Variants in NDST4 observed in about 807,000 individuals in gnomAD.
NDST4 encodes the protein N-deacetylase and N-sulfotransferase 4, also known as N-heparan sulfate sulfotransferase 4.
NDST4 carries 63 observed loss-of-function variants against 100.8 expected under a neutral mutation model. That is an observed-to-expected ratio of 0.62 (90% CI 0.51 to 0.77). The LOEUF (loss-of-function observed/expected upper bound fraction) is 0.77, where lower values mean the gene tolerates loss of function less well. NDST4 is among the 30% of genes least tolerant of loss of function. The pLI, the probability that NDST4 is intolerant of heterozygous loss-of-function variation, is 0.00. For synonymous variants in NDST4, 377 were observed against 361.8 expected (o/e 1.04, Z -0.48); for missense variants, 943 against 1,018.4 (o/e 0.93, Z 1.01).
intron 2 of NDST4, among the ~76,000 whole-genome samples, chr4:115,047,275 A>T (rs987033110): frequency 6.6e-6 from 1 of 152,148 alleles, no homozygotes; most frequent in Non-Finnish European, 1.5e-5. Flanking sequence ...TTAACAGTCA[A>T]TATATTTATT....
intron 1 of NDST4, among the ~76,000 whole-genome samples, chr4:115,102,865 C>A (rs377352127): frequency 1.3e-5 from 2 of 151,758 alleles, no homozygotes; most frequent in African/African-American, 2.4e-5. Flanking sequence ...CCTGCCACCA[C>A]GCCTGGCTAA....
Position 115,006,197 on chromosome 4 carries a change from C to T in NDST4, c.979-28923G>A, listed in dbSNP as rs573546097. Reference sequence around the variant, plus strand: ...ATACATTCAGGAAATGGCTAGAAGTCCTTTATGACTGAGGAAGAGTTGATT... The same window carrying T: ...ATACATTCAGGAAATGGCTAGAAGTTCTTTATGACTGAGGAAGAGTTGATT... On this transcript the variant is annotated intron_variant, in intron 2 of 13. Transcript: ENST00000264363. Among the ~76,000 whole-genome samples, 8 of 151,930 alleles carry T rather than the reference C, an allele frequency of 5.3e-5. No homozygotes were observed. In the South Asian group the frequency reaches 1.0e-3, roughly 20 times the overall value.
chr4:114,983,588 G>T (rs1290284629), intron 2 of NDST4, among the ~76,000 whole-genome samples: 2 of 152,124 alleles, frequency 1.3e-5, no homozygotes, highest in African/African-American at 4.8e-5. Context: ...GCTTGTTTTT[G>T]ATTTTACAGC....
intron 10 of NDST4, among the ~76,000 whole-genome samples, chr4:114,841,837 A>G (rs1461536783): frequency 2.0e-5 from 3 of 152,098 alleles, no homozygotes; most frequent in African/African-American, 7.2e-5. Context: ...TTTGCTTCCA[A>G]TCTAAGTGTT....
Position 115,044,860 on chromosome 4 carries a change from A to C in NDST4, c.978+31199T>G, listed in dbSNP as rs1176062929. ...AAAGACATGAAAAGATGTTTAAACC[A>C]ATTAATAATCACGGAAATTCAAATC... is the stretch of plus-strand genomic sequence containing the variant. On this transcript the variant is annotated intron_variant, in intron 2 of 13. Coordinates refer to ENST00000264363, the MANE Select transcript of NDST4 (RefSeq NM_022569.3). Among the ~76,000 whole-genome samples, 2 of 151,872 alleles carry C rather than the reference A, an allele frequency of 1.3e-5. 1 individual carries two copies. The highest frequency in any genetic ancestry group is 3.9e-4 in the East Asian group (2 of 5,188).
intron 13 of NDST4, among the ~76,000 whole-genome samples, chr4:114,829,558 A>T (rs545937766): frequency 6.6e-6 from 1 of 152,192 alleles, no homozygotes; most frequent in South Asian, 2.1e-4. Flanking sequence ...TTTGAATTGC[A>T]TTCAAACAGC....
At chr4:115,055,748 A>G (rs1728680606) in intron 2 of NDST4, among the ~76,000 whole-genome samples, 1 of 152,106 alleles carries the variant, frequency 6.6e-6, no homozygotes, top group South Asian at 2.1e-4. Context: ...CAATAGAGGG[A>G]TGATAGATAA....
intron 6 of NDST4, among the ~76,000 whole-genome samples, chr4:114,905,134 CT>C (rs570520427): frequency 0.02 from 2,908 of 142,080 alleles, 40 homozygotes; most frequent in African/African-American, 0.034. Flanking sequence ...AAAATTCTTC[CT>C]TTTTTTTTTT....
At chr4:114,953,529 G>A (rs1481264551) in intron 4 of NDST4, among the ~76,000 whole-genome samples, 5 of 152,036 alleles carry the variant, frequency 3.3e-5, no homozygotes, top group Non-Finnish European at 7.4e-5. Context: ...CAGATTCCAA[G>A]AACACATCAG....
chr4:114,913,743 A>C (rs901149065), intron 6 of NDST4, among the ~76,000 whole-genome samples: 8 of 141,000 alleles, frequency 5.7e-5, no homozygotes, highest in East Asian at 1.9e-4. Flanking sequence ...AAAAAAAAAA[A>C]AAAAAAACAC....
intron 2 of NDST4, among the ~76,000 whole-genome samples, chr4:114,985,166 T>C (rs1726871799): frequency 6.6e-6 from 1 of 152,204 alleles, no homozygotes; most frequent in Admixed American, 6.5e-5. Flanking sequence ...GGATCCTACT[T>C]CTGAAATCAC....
chr4:115,110,960 A>G (rs1729941158), intron 1 of NDST4, among the ~76,000 whole-genome samples: 1 of 151,964 alleles, frequency 6.6e-6, no homozygotes, highest in South Asian at 2.1e-4. Context: ...CAGGGCTGAT[A>G]TTCTAGCTTT....
chr4:115,100,539 T>G (rs1045676741), intron 1 of NDST4, among the ~76,000 whole-genome samples: 10 of 152,116 alleles, frequency 6.6e-5, no homozygotes, highest in African/African-American at 2.4e-4. Context: ...TCTTATAAAT[T>G]TGTAGCCCTA....
chr4:115,103,789 G>T (rs1208520968), intron 1 of NDST4, among the ~76,000 whole-genome samples: 1 of 152,078 alleles, frequency 6.6e-6, no homozygotes, highest in Non-Finnish European at 1.5e-5. Flanking sequence ...AATATATCCT[G>T]TATAGAATAT....
At chr4:115,084,482 G>C (rs902672711) in intron 1 of NDST4, among the ~76,000 whole-genome samples, 1 of 152,178 alleles carries the variant, frequency 6.6e-6, no homozygotes, top group Non-Finnish European at 1.5e-5. Context: ...TTCAGGGCAC[G>C]TCAGAGACCT....
At chr4:115,108,565 T>G (rs1729878365) in intron 1 of NDST4, among the ~76,000 whole-genome samples, 1 of 151,952 alleles carries the variant, frequency 6.6e-6, no homozygotes, top group African/African-American at 2.4e-5. Context: ...TTTATATTTA[T>G]TATTATCATT....
chr4:114,848,418 T>C, intron 8 of NDST4, 80 bp from the exon 9 acceptor site: 2 of 1,146,394 alleles, frequency 1.7e-6, no homozygotes, highest in Non-Finnish European at 1.2e-6. Context: ...GCTCAAAAAG[T>C]AATATTAAAA....
chr4:114,909,843 G>T (rs1452805617), intron 6 of NDST4, among the ~76,000 whole-genome samples: 2 of 152,134 alleles, frequency 1.3e-5, no homozygotes, highest in Non-Finnish European at 2.9e-5. Context: ...TGAGTAGCAA[G>T]ATATGTTATT....
intron 2 of NDST4, among the ~76,000 whole-genome samples, chr4:115,037,879 GAA>G (rs1728266793): frequency 6.6e-6 from 1 of 152,080 alleles, no homozygotes; most frequent in East Asian, 1.9e-4. Flanking sequence ...GTAAATATTT[GAA>G]AAGAGTAGCA....
Sources: gnomAD v4.1 joint callset for allele counts (sites outside exome capture counted in the v4.1 genomes callset) on GRCh38, gnomAD v4.1.1 for gene constraint, MANE v1.5 for transcripts, NCBI Gene and HGNC (gene_info 2026-07-23, HGNC 2026-07-21) for gene names.